ADAMTS17: variants seen among roughly 807,000 people sequenced by gnomAD.
ADAMTS17 encodes A disintegrin and metalloproteinase with thrombospondin motifs 17.
A neutral mutation model predicts 141.5 loss-of-function variants in ADAMTS17; 113 were observed. That is an observed-to-expected ratio of 0.80 (90% CI 0.69 to 0.93). ADAMTS17 has a LOEUF of 0.93. ADAMTS17 is among the 40% of genes least tolerant of loss of function. The probability of loss-of-function intolerance (pLI) is 0.00; values close to 1 mark genes in which losing one functional copy is unlikely to be tolerated. For synonymous variants in ADAMTS17, 768 were observed against 630.6 expected, an observed-to-expected ratio of 1.22 and a Z score of -3.27; for missense variants, 1,659 against 1,517.9, an observed-to-expected ratio of 1.09 and a Z score of -1.54.
intron 3 of ADAMTS17, among the ~76,000 whole-genome samples, chr15:100,293,960 C>T (rs2044725698): frequency 6.6e-6 from 1 of 152,160 alleles, no homozygotes; most frequent in Admixed American, 6.5e-5. Context: ...GTAAGGTGCC[C>T]AACTTTGACA....
chr15:100,131,213 G>A (rs1014892393), intron 12 of ADAMTS17, among the ~76,000 whole-genome samples: 2 of 147,060 alleles, frequency 1.4e-5, no homozygotes, highest in Non-Finnish European at 3.1e-5. Context: ...ACCGGGGCCT[G>A]TCGAGGGGGT....
At chr15:100,179,976 T>C (rs1596202196) in intron 8 of ADAMTS17, among the ~76,000 whole-genome samples, 1 of 152,176 alleles carries the variant, frequency 6.6e-6, no homozygotes, top group South Asian at 2.1e-4. Context: ...TTCTGTGGGG[T>C]GTCTCTTCAC....
Position 99,993,961 on chromosome 15 carries a change from A to AG in ADAMTS17, c.2797-762dup, listed in dbSNP as rs1184874486. On this transcript the variant is annotated intron_variant, in intron 19 of 21. Transcript: ENST00000268070. This position sits in a 1 kb window ranked among gnomAD's most constrained non-coding sequence, Gnocchi z 4.3. The stretch of plus-strand genomic sequence containing the variant: ...CAGCAGCAAGAAGGAGCGAAGAGGC[A>AG]GGGGGCATGACAGGGTGTCAACACA... 5.9e-5 allele frequency among the ~76,000 whole-genome samples: 9 copies of AG among 152,188 alleles called. No homozygotes were observed. Among genetic ancestry groups the AG allele is most frequent in the Non-Finnish European group, 2.9e-5 (2 of 68,032 alleles).
In ADAMTS17 at chr15:100,102,457, A is replaced by C. The variant is rs4450380; in HGVS notation, c.2017-5981T>G. 4.6e-5 allele frequency among the ~76,000 whole-genome samples: 3 copies of C among 65,382 alleles called. 1 individual carries two copies. The Admixed American group carries it at 4.8e-4, about 10-fold the overall frequency. The allele number at this position is 65,382 out of a possible 152,430, so 42.9% of individuals were successfully genotyped here. On this transcript the variant is annotated intron_variant, in intron 14 of 21. Transcript: ENST00000268070. ...TACATTTGAGGGCCGACCAAAGGGG[A>C]TCTACATTTGAGGGCCAACTGAAGG...
intron 1 of ADAMTS17, 106 bp downstream of exon 1, chr15:100,341,715 G>C (rs1176056790): frequency 7.2e-7 from 1 of 1,392,606 alleles, no homozygotes; most frequent in Non-Finnish European, 9.5e-7. Context: ...CTCGGGCGCC[G>C]TCAGCGGTCC....
intron 14 of ADAMTS17, among the ~76,000 whole-genome samples, chr15:100,101,980 C>T (rs1484866641): frequency 2.0e-5 from 3 of 152,146 alleles, no homozygotes; most frequent in Non-Finnish European, 4.4e-5. Context: ...GCCTGTAGTG[C>T]CCATCTTCCT....
intron 8 of ADAMTS17, among the ~76,000 whole-genome samples, chr15:100,172,578 G>A (rs528816679): frequency 4.7e-4 from 72 of 152,214 alleles, no homozygotes; most frequent in African/African-American, 1.7e-3. Context: ...TCTGACCTAA[G>A]TCACCTTTAG....
chr15:100,085,218 G>A lies in ADAMTS17; in HGVS notation c.2137+11138C>T, dbSNP rs556851817. 7.2e-5 allele frequency among the ~76,000 whole-genome samples: 11 copies of A among 152,264 alleles called. No homozygotes were observed. In the South Asian group the frequency reaches 8.3e-4, roughly 11 times the overall value. On this transcript the variant is annotated intron_variant, in intron 15 of 21. Transcript: ENST00000268070. ...AATGCACAAGGCCTCAGTAGCCGAC[G>A]TGATCAACTGGAAGAAAGGGTATCA...
At position 100,175,870 on chromosome 15, in the gene ADAMTS17, T is replaced by C. The variant is rs560815508; in HGVS notation, c.1182-20550A>G. 1.1e-4 allele frequency among the ~76,000 whole-genome samples: 16 copies of C among 152,220 alleles called. No homozygotes were observed. The South Asian group carries it at 3.1e-3, about 30-fold the overall frequency. The stretch of plus-strand genomic sequence containing the variant: ...CCACACCCTCCAGTCCCAAGGCAGA[T>C]TCATCATTCTCAATGTCACAGGCAT... On this transcript the variant is annotated intron_variant, in intron 8 of 21. Coordinates refer to ENST00000268070, the MANE Select transcript of ADAMTS17 (RefSeq NM_139057.4).
rs745782810 is a variant in ADAMTS17, at chr15:99,973,059, G to A, written c.*1343C>T. ...GCAAAACAGGCCTCCTGGCATCTAG[G>A]GTCCCTGCCCGGCCTCCTTGCAGGT... On this transcript the variant is annotated 3_prime_UTR_variant, in exon 22 of 22. Transcript: ENST00000268070. The A allele has an allele frequency of 1.3e-5, 2 of 152,078 alleles. No individual in the cohort carries two copies. Among genetic ancestry groups the A allele is most frequent in the African/African-American group, 2.4e-5 (1 of 41,406 alleles). The allele number at this position is 152,078 out of a possible 1,614,324, so 9.4% of individuals were successfully genotyped here.
At chr15:100,188,299 A>G (rs2040794260) in intron 8 of ADAMTS17, among the ~76,000 whole-genome samples, 1 of 151,240 alleles carries the variant, frequency 6.6e-6, no homozygotes, top group African/African-American at 2.4e-5. Context: ...CTGGTCTCAA[A>G]CTCCTGACCT....
At chr15:100,058,827 G>C (rs1254343796) in intron 15 of ADAMTS17, among the ~76,000 whole-genome samples, 1 of 152,188 alleles carries the variant, frequency 6.6e-6, no homozygotes, top group Non-Finnish European at 1.5e-5. Context: ...GGAGTCACTG[G>C]GTATGGTCAA....
intron 2 of ADAMTS17, among the ~76,000 whole-genome samples, chr15:100,338,475 T>C (rs2046270839): frequency 6.6e-6 from 1 of 152,206 alleles, no homozygotes; most frequent in Non-Finnish European, 1.5e-5. Context: ...GAACGAAGTT[T>C]TGTTGAACGT....
At chr15:100,096,033 C>G (rs2035735042) in intron 15 of ADAMTS17, among the ~76,000 whole-genome samples, 1 of 152,208 alleles carries the variant, frequency 6.6e-6, no homozygotes, top group African/African-American at 2.4e-5. Context: ...GTCTCTCCCA[C>G]CTTCTCTGCC....
intron 2 of ADAMTS17, among the ~76,000 whole-genome samples, chr15:100,339,305 A>C (rs2046295356): frequency 6.6e-6 from 1 of 152,228 alleles, no homozygotes; most frequent in African/African-American, 2.4e-5. Context: ...CGGCGCCTTC[A>C]CAGATAGCTC....
At chr15:100,323,981 G>C (rs1390709495) in intron 3 of ADAMTS17, among the ~76,000 whole-genome samples, 2 of 151,492 alleles carry the variant, frequency 1.3e-5, no homozygotes, top group South Asian at 4.2e-4. Context: ...AGTGGGTGGA[G>C]GGGAGAACGC....
intron 15 of ADAMTS17, among the ~76,000 whole-genome samples, chr15:100,066,724 G>A (rs534760698): frequency 3.9e-5 from 6 of 151,908 alleles, no homozygotes; most frequent in East Asian, 1.9e-4. Flanking sequence ...TCTACGTGTC[G>A]TTCCTTTCTA....
rs1353621546 is a variant in ADAMTS17 at position 99,972,180 on chromosome 15, G to C, written c.*2222C>G. The stretch of plus-strand genomic sequence containing the variant: ...GCAGAAGAATGGCCTGAACCCGGGA[G>C]GCGGAGCTTTCAATGAGCTGAGATC... On this transcript the variant is annotated 3_prime_UTR_variant, in exon 22 of 22. Coordinates refer to ENST00000268070, the MANE Select transcript of ADAMTS17 (RefSeq NM_139057.4). 6.6e-6 allele frequency: 1 copy of C among 152,232 alleles called. No individual in the cohort carries two copies. Among genetic ancestry groups the C allele is most frequent in the Non-Finnish European group, 1.5e-5 (1 of 68,080 alleles). 9.4% of individuals were successfully genotyped at this position (152,232 alleles called of 1,614,324 possible).
intron 18 of ADAMTS17, among the ~76,000 whole-genome samples, chr15:100,007,793 G>T (rs955971986): frequency 6.6e-6 from 1 of 152,092 alleles, no homozygotes; most frequent in Non-Finnish European, 1.5e-5. Flanking sequence ...GCAGCTTGGG[G>T]TGCGGTCAGG....
Sources: gnomAD v4.1 joint callset for allele counts (sites outside exome capture counted in the v4.1 genomes callset) on GRCh38, gnomAD v4.1.1 for gene constraint, Gnocchi (gnomAD v3.1) non-coding constraint, MANE v1.5 for transcripts, NCBI Gene and HGNC (gene_info 2026-07-23, HGNC 2026-07-21) for gene names.